The following NKAIN3 variants were observed in gnomAD, a reference collection of about 807,000 sequenced individuals.
NKAIN3 encodes the protein sodium/potassium transporting ATPase interacting 3.
In NKAIN3, 25 loss-of-function variants were observed where a neutral mutation model predicts 30.2. That is an observed-to-expected ratio of 0.83 (90% CI 0.60 to 1.16). NKAIN3 has a LOEUF of 1.16. Among genes scored for constraint, NKAIN3 ranks in the 50% most tolerant of loss-of-function variants. The pLI is 0.00. For missense variants in NKAIN3, 225 were observed against 254.1 expected (o/e 0.89, Z 0.78); for synonymous variants, 91 against 89.6 (o/e 1.02, Z -0.09).
At chr8:62,631,029 A>T (rs1200613541) in intron 3 of NKAIN3, among the ~76,000 whole-genome samples, 1 of 151,968 alleles carries the variant, frequency 6.6e-6, no homozygotes, top group Non-Finnish European at 1.5e-5. Flanking sequence ...TCCATTTACT[A>T]CCCAAAGAAA....
At chr8:62,872,314 T>C (rs1454768629) in intron 4 of NKAIN3, among the ~76,000 whole-genome samples, 1 of 152,244 alleles carries the variant, frequency 6.6e-6, no homozygotes, top group Non-Finnish European at 1.5e-5. Context: ...GACAGAGAAC[T>C]CTGTGGTGAC....
intron 4 of NKAIN3, among the ~76,000 whole-genome samples, chr8:62,764,366 A>G (rs1816768977): frequency 6.6e-6 from 1 of 152,234 alleles, no homozygotes; most frequent in Admixed American, 6.5e-5. Flanking sequence ...TCCTGTGGCC[A>G]GTGTTGGGGA....
At chr8:62,547,194 T>C (rs1349578014) in intron 1 of NKAIN3, among the ~76,000 whole-genome samples, 3 of 152,220 alleles carry the variant, frequency 2.0e-5, no homozygotes, top group African/African-American at 4.8e-5. Flanking sequence ...CTGTATTTTA[T>C]GTGAGCTGCC....
At chr8:62,423,041 T>C (rs1198761268) in intron 1 of NKAIN3, among the ~76,000 whole-genome samples, 1 of 152,074 alleles carries the variant, frequency 6.6e-6, no homozygotes, top group African/African-American at 2.4e-5. Context: ...CTTCTAACAG[T>C]GGTTTTTCCA....
chr8:62,359,280 A>G (rs1816468029), intron 1 of NKAIN3, among the ~76,000 whole-genome samples: 1 of 152,242 alleles, frequency 6.6e-6, no homozygotes, highest in African/African-American at 2.4e-5. Context: ...TGAGGATACC[A>G]ATAAATACCA....
chr8:62,317,032 A>G (rs1375360048), intron 1 of NKAIN3, among the ~76,000 whole-genome samples: 5 of 152,226 alleles, frequency 3.3e-5, no homozygotes, highest in Non-Finnish European at 5.9e-5. Flanking sequence ...GCCAGTGATG[A>G]TGAGCATTTT....
At chr8:62,994,003 T>TA (rs1804046243) in intron 5 of NKAIN3, among the ~76,000 whole-genome samples, 1 of 152,310 alleles carries the variant, frequency 6.6e-6, no homozygotes, top group African/African-American at 2.4e-5. Flanking sequence ...ATAAGCTCTT[T>TA]AAATGCATTA....
At chr8:62,876,640 G>C (rs900521634) in intron 4 of NKAIN3, among the ~76,000 whole-genome samples, 1 of 152,090 alleles carries the variant, frequency 6.6e-6, no homozygotes, top group Non-Finnish European at 1.5e-5. Flanking sequence ...GCCATAAAAA[G>C]GAATGAGATC....
At chr8:62,958,438 C>G (rs976452565) in intron 6 of NKAIN3, among the ~76,000 whole-genome samples, 1 of 152,060 alleles carries the variant, frequency 6.6e-6, no homozygotes, top group Admixed American at 6.5e-5. Flanking sequence ...GGAGTCTCCA[C>G]CGGGATCTAC....
At chr8:62,828,758 C>T (rs1819104782) in intron 4 of NKAIN3, among the ~76,000 whole-genome samples, 3 of 152,124 alleles carry the variant, frequency 2.0e-5, no homozygotes, top group Admixed American at 2.0e-4. Flanking sequence ...AACACTTACT[C>T]TTGGAACTCA....
At chr8:62,376,149 T>G (rs1817076236) in intron 1 of NKAIN3, among the ~76,000 whole-genome samples, 1 of 152,178 alleles carries the variant, frequency 6.6e-6, no homozygotes. Context: ...CACAGAGAGT[T>G]CCCCCAGACA....
chr8:62,544,536 A>G (rs927419611), intron 1 of NKAIN3, among the ~76,000 whole-genome samples: 7 of 152,104 alleles, frequency 4.6e-5, no homozygotes, highest in African/African-American at 1.7e-4. Flanking sequence ...TTCATTTTTA[A>G]TCAAAAAAGT....
intron 1 of NKAIN3, among the ~76,000 whole-genome samples, chr8:62,421,311 C>G (rs917795354): frequency 8.5e-5 from 13 of 152,156 alleles, no homozygotes; most frequent in Admixed American, 7.9e-4. Flanking sequence ...TTTGTCCCTA[C>G]TTCAGTGGGG....
At chr8:62,253,036 C>G (rs760662796) in intron 1 of NKAIN3, among the ~76,000 whole-genome samples, 4 of 152,182 alleles carry the variant, frequency 2.6e-5, no homozygotes, top group Non-Finnish European at 4.4e-5. Flanking sequence ...TCACAGAGGT[C>G]GGACTCTGGC....
At chr8:62,627,712 C>T (rs889147327) in intron 3 of NKAIN3, among the ~76,000 whole-genome samples, 3 of 152,004 alleles carry the variant, frequency 2.0e-5, no homozygotes, top group African/African-American at 7.2e-5. Context: ...CTCATCATTT[C>T]CTGGTAAAAT....
chr8:62,993,453 C>A (rs1183922134), intron 5 of NKAIN3, among the ~76,000 whole-genome samples: 3 of 152,160 alleles, frequency 2.0e-5, no homozygotes, highest in African/African-American at 7.2e-5. Flanking sequence ...CTGTCTTAAT[C>A]TTCATCCTCT....
intron 3 of NKAIN3, among the ~76,000 whole-genome samples, chr8:62,743,687 G>A (rs1815980615): frequency 6.6e-6 from 1 of 152,278 alleles, no homozygotes; most frequent in Middle Eastern, 3.4e-3. Flanking sequence ...GTTCAAGGAT[G>A]GAATGAGCTA....
rs145090479 is a variant in NKAIN3, at chr8:62,429,093, C to T, written c.55-150446C>T. ...TTATTTATTGAAGAGACTGCCTTTT[C>T]CCCATTGTATGTTCTTGGTTACTTG... On this transcript the variant is annotated intron_variant, in intron 1 of 6. Coordinates refer to ENST00000623646, the MANE Select transcript of NKAIN3 (RefSeq NM_001304533.3). 2.8e-3 allele frequency among the ~76,000 whole-genome samples: 425 copies of T among 151,838 alleles called. 1 individual carries two copies. Among genetic ancestry groups the T allele is most frequent in the Non-Finnish European group, 4.8e-3 (322 of 67,768 alleles).
intron 1 of NKAIN3, among the ~76,000 whole-genome samples, chr8:62,466,425 A>G (rs903010218): frequency 6.6e-6 from 1 of 152,164 alleles, no homozygotes; most frequent in Non-Finnish European, 1.5e-5. Context: ...TAGTACTCAG[A>G]TGTCAAACAA....
Sources: allele counts gnomAD v4.1 joint callset (sites outside exome capture counted in the v4.1 genomes callset), GRCh38; gene constraint gnomAD v4.1.1; transcripts MANE v1.5; gene names NCBI Gene and HGNC (gene_info 2026-07-23, HGNC 2026-07-21).